The following GPHN variants were observed in gnomAD, a reference collection of about 807,000 sequenced individuals.
GPHN encodes the protein gephyrin.
A neutral mutation model predicts 95.5 loss-of-function variants in GPHN; 17 were observed. The ratio of observed to expected loss-of-function variants is 0.18; its 90% CI spans 0.12 to 0.27. The LOEUF (loss-of-function observed/expected upper bound fraction) is 0.27. GPHN is among the 10% of genes least tolerant of loss of function. The pLI is 1.00. For synonymous variants in GPHN, 320 were observed against 322.5 expected, an observed-to-expected ratio of 0.99 and a Z score of 0.08; for missense variants, 660 against 978.1, an observed-to-expected ratio of 0.67 and a Z score of 4.34.
At chr14:67,352,927 A>C in the GPHN span, 1 of 1,600,122 alleles carries the variant, frequency 6.2e-7, no homozygotes, top group Non-Finnish European at 8.6e-7. Flanking sequence ...TTCTACCTCT[A>C]TTATCTTCTT....
At chr14:66,769,746 T>C (rs1366150528) in intron 2 of GPHN, among the ~76,000 whole-genome samples, 2 of 152,204 alleles carry the variant, frequency 1.3e-5, no homozygotes, top group Non-Finnish European at 2.9e-5. Context: ...GCATTTAGGT[T>C]GATTCTGTGT....
the GPHN span, chr14:67,203,362 G>A: frequency 8.5e-6 from 11 of 1,299,112 alleles, no homozygotes; most frequent in Non-Finnish European, 1.0e-5. Context: ...ATCTGAAAAC[G>A]GAAACACTGA....
At chr14:67,095,028 A>G (rs1214771510) in intron 12 of GPHN, among the ~76,000 whole-genome samples, 1 of 152,204 alleles carries the variant, frequency 6.6e-6, no homozygotes, top group African/African-American at 2.4e-5. Flanking sequence ...TGATGTTCAC[A>G]CAACAAAATT....
the GPHN span, chr14:67,650,581 T>C: frequency 1.3e-6 from 1 of 748,672 alleles, no homozygotes; most frequent in Non-Finnish European, 2.2e-6. Context: ...AGGGGCTTCC[T>C]AAAAATAGGT....
At chr14:67,158,072 C>T (rs1335978502) in intron 18 of GPHN, among the ~76,000 whole-genome samples, 2 of 151,752 alleles carry the variant, frequency 1.3e-5, no homozygotes, top group Non-Finnish European at 2.9e-5. Flanking sequence ...TTTGGGAGGC[C>T]GAGACGGGTG....
intron 10 of GPHN, among the ~76,000 whole-genome samples, chr14:67,043,874 G>A (rs1302379948): frequency 3.3e-5 from 5 of 152,072 alleles, no homozygotes; most frequent in Non-Finnish European, 7.4e-5. Flanking sequence ...TTGGTTGGTA[G>A]GCTATTAATT....
the GPHN span, among the ~76,000 whole-genome samples, chr14:67,732,307 G>T: frequency 6.6e-6 from 1 of 151,260 alleles, no homozygotes; most frequent in Non-Finnish European, 1.5e-5. Flanking sequence ...GCATTGTGGT[G>T]CATGCCTGTA....
intron 9 of GPHN, among the ~76,000 whole-genome samples, chr14:67,002,581 A>T (rs1487569380): frequency 3.3e-5 from 5 of 151,220 alleles, no homozygotes; most frequent in Non-Finnish European, 7.4e-5. Flanking sequence ...TTGGGGCTAG[A>T]TTTGAATCCT....
chr14:67,722,767 G>C, the GPHN span: 1 of 1,376,434 alleles, frequency 7.3e-7, no homozygotes, highest in East Asian at 2.3e-5. Context: ...ACTGGAAGCC[G>C]GTTCTCAGCT....
intron 10 of GPHN, among the ~76,000 whole-genome samples, chr14:67,036,691 G>T (rs2074442683): frequency 6.6e-6 from 1 of 151,778 alleles, no homozygotes; most frequent in Non-Finnish European, 1.5e-5. Context: ...ATTTACAATA[G>T]CATCAGAAAG....
the GPHN span, chr14:67,600,045 G>T: frequency 5.7e-6 from 9 of 1,575,746 alleles, no homozygotes; most frequent in Non-Finnish European, 7.7e-6. Flanking sequence ...TGAAGAGTCC[G>T]TAGGCCGCCA....
intron 3 of GPHN, among the ~76,000 whole-genome samples, chr14:66,783,620 G>C (rs897627971): frequency 6.6e-6 from 1 of 152,198 alleles, no homozygotes; most frequent in African/African-American, 2.4e-5. Context: ...GGCTAAGCCA[G>C]GTGAGGCTAT....
At chr14:67,055,832 AT>A (rs1247325267) in intron 10 of GPHN, among the ~76,000 whole-genome samples, 1 of 152,126 alleles carries the variant, frequency 6.6e-6, no homozygotes, top group African/African-American at 2.4e-5. Flanking sequence ...TGTGTCCAGA[AT>A]TTCTTCCTTC....
chr14:66,570,458 C>G (rs1281680387), intron 1 of GPHN, among the ~76,000 whole-genome samples: 2 of 152,016 alleles, frequency 1.3e-5, no homozygotes, highest in Non-Finnish European at 2.9e-5. Context: ...GTGCCTACCA[C>G]CACGCCCAGC....
the GPHN span, among the ~76,000 whole-genome samples, chr14:67,688,791 T>C: frequency 6.6e-6 from 1 of 152,164 alleles, no homozygotes; most frequent in Non-Finnish European, 1.5e-5. Context: ...TGATTTTACA[T>C]TTAATAGTTT....
At chr14:67,510,028 A>AC in the GPHN span, among the ~76,000 whole-genome samples, 1 of 81,284 alleles carries the variant, frequency 1.2e-5, no homozygotes, top group East Asian at 2.7e-4. Flanking sequence ...TTTTTTTATT[A>AC]AAAAAAAAAA....
chr14:66,741,101 C>G (rs544769809), intron 2 of GPHN, among the ~76,000 whole-genome samples: 13 of 152,092 alleles, frequency 8.5e-5, no homozygotes, highest in Non-Finnish European at 1.8e-4. Context: ...GGGTGGAGTC[C>G]TCATGTCCTA....
chr14:67,475,410 G>A, the GPHN span, among the ~76,000 whole-genome samples: 1 of 152,200 alleles, frequency 6.6e-6, no homozygotes, highest in South Asian at 2.1e-4. Flanking sequence ...ATATGCAGAA[G>A]TGGAAATACT....
At chr14:66,719,958 T>C (rs989698312) in intron 2 of GPHN, among the ~76,000 whole-genome samples, 3 of 152,234 alleles carry the variant, frequency 2.0e-5, no homozygotes, top group Non-Finnish European at 4.4e-5. Context: ...TAAAATGTTA[T>C]ATAATTTGAT....
Sources: gnomAD v4.1 joint callset for allele counts (sites outside exome capture counted in the v4.1 genomes callset) on GRCh38, gnomAD v4.1.1 for gene constraint, MANE v1.5 for transcripts, NCBI Gene and HGNC (gene_info 2026-07-23, HGNC 2026-07-21) for gene names.